TFPI2: variants seen among roughly 807,000 people sequenced by gnomAD.
The protein encoded by TFPI2 is tissue factor pathway inhibitor 2, also known as placental protein 5.
Under a neutral mutation model 23.1 loss-of-function variants are expected in TFPI2, and 23 were observed. That is an observed-to-expected ratio of 1.00 (90% CI 0.72 to 1.41). The LOEUF (loss-of-function observed/expected upper bound fraction) is 1.41. Ranked by LOEUF, TFPI2 falls within the 40% of genes most tolerant of loss-of-function variation. The pLI is 0.00. For missense variants in TFPI2, 291 were observed against 299.6 expected (o/e 0.97, Z 0.21); for synonymous variants, 119 against 111.7 (o/e 1.07, Z -0.41).
chr7:93,890,739 G>C lies in TFPI2; in HGVS notation c.-61C>G. The stretch of plus-strand genomic sequence containing the variant: ...TCCGAGAAAGCGCCTGGCGGGAGGA[G>C]GTGCGCGGCTTTCTGCTCCAGGCGG... On this transcript the variant is annotated 5_prime_UTR_variant, in exon 1 of 5. Coordinates refer to ENST00000222543, the MANE Select transcript of TFPI2 (RefSeq NM_006528.4). 6.6e-7 allele frequency: 1 copy of C among 1,505,872 alleles called. No individual in the cohort carries two copies. The allele number at this position is 1,505,872 out of a possible 1,614,324, so 93.3% of individuals were successfully genotyped here.
Position 93,886,137 on chromosome 7 carries a change from G to T in TFPI2, c.*683C>A, listed in dbSNP as rs1218581447. The T allele has an allele frequency of 6.6e-6, 1 of 151,928 alleles. No homozygotes were observed. The highest frequency in any genetic ancestry group is 1.5e-5 in the Non-Finnish European group (1 of 67,882). 9.4% of individuals were successfully genotyped at this position (151,928 alleles called of 1,614,324 possible). ...GTCTTAGGAAATAATTTAACAATAG[G>T]AAAACCCTTAAAACCATCTATCTCT... On this transcript the variant is annotated 3_prime_UTR_variant, in exon 5 of 5. Transcript: ENST00000222543.
At position 93,885,912 on chromosome 7, in the gene TFPI2, T is replaced by C. The variant is rs1054332073; in HGVS notation, c.*908A>G. 1 of 152,054 alleles carries C rather than the reference T, an allele frequency of 6.6e-6. No homozygotes were observed. Among genetic ancestry groups the C allele is most frequent in the Non-Finnish European group, 1.5e-5 (1 of 67,908 alleles). The allele number at this position is 152,054 out of a possible 1,614,324, so 9.4% of individuals were successfully genotyped here. ...ATAAGAATTTAGAAAAATTGTTTTATTACAGAGAAAGAAAAAACCTATTTC... is the reference window on the plus strand; with the variant it reads ...ATAAGAATTTAGAAAAATTGTTTTACTACAGAGAAAGAAAAAACCTATTTC... On this transcript the variant is annotated 3_prime_UTR_variant, in exon 5 of 5. Transcript: ENST00000222543.
rs952054370 is a variant in TFPI2, at chr7:93,890,123, C to T, written c.271+14G>A. ...AAGGAGCGCGAGAGTCCTGGGTGCG[C>T]GCAGGGCACTTACTTTCTATCCTCC... On this transcript the variant is annotated intron_variant, in intron 2 of 4. Coordinates refer to ENST00000222543, the MANE Select transcript of TFPI2 (RefSeq NM_006528.4). 2 of 1,579,258 alleles carry T rather than the reference C, an allele frequency of 1.3e-6. No individual in the cohort carries two copies. The highest frequency in any genetic ancestry group is 2.3e-5 in the East Asian group (1 of 43,732).
chr7:93,888,589 G>GGAAGGAAAGAGAAAGAAAGAAAGAA (rs138314368), intron 3 of TFPI2, among the ~76,000 whole-genome samples: 39 of 103,284 alleles, frequency 3.8e-4, no homozygotes, highest in Admixed American at 2.7e-3. Flanking sequence ...AGGAAGGAAA[G>GGAAGGAAAGAGAAAGAAAGAAAGAA]AGAAAGAAAG....
chr7:93,889,327 T>G (rs1794079675), intron 2 of TFPI2, 104 bp from the exon 3 acceptor site: 3 of 1,092,906 alleles, frequency 2.7e-6, no homozygotes, highest in Non-Finnish European at 3.9e-6. Context: ...GAAGTTGTAT[T>G]AGTGTTGGGA....
Position 93,885,957 on chromosome 7 carries a change from A to G in TFPI2, c.*863T>C, listed in dbSNP as rs1202892596. The G allele has an allele frequency of 6.6e-6, 1 of 152,064 alleles. No homozygotes were observed. The highest frequency in any genetic ancestry group is 1.9e-4 in the East Asian group (1 of 5,204). The allele number at this position is 152,064 out of a possible 1,614,324, so 9.4% of individuals were successfully genotyped here. The stretch of plus-strand genomic sequence containing the variant: ...TATTTCATTGGTATGACCATATTTA[A>G]TCAATGATAATTTACTGGTGAAATT... On this transcript the variant is annotated 3_prime_UTR_variant, in exon 5 of 5. Coordinates refer to ENST00000222543, the MANE Select transcript of TFPI2 (RefSeq NM_006528.4).
Position 93,889,108 on chromosome 7 carries a change from C to A in TFPI2, c.387G>T (p.Gly129=). The part of the protein sequence containing the change: ...SMTCEKFFSG[G]CHRNRIENRF... Reference sequence around the variant, plus strand: ...TGTTCTCAATCCGGTTCCGGTGACACCCACCGGAAAAGAATTTTTCACATG... The same window carrying A: ...TGTTCTCAATCCGGTTCCGGTGACAACCACCGGAAAAGAATTTTTCACATG... Residue 129 remains glycine (G), a synonymous_variant, in exon 3 of 5, where the codon GGG becomes GGT. Transcript: ENST00000222543. 6.2e-7 allele frequency: 1 copy of A among 1,613,128 alleles called. No individual in the cohort carries two copies. The highest frequency in any genetic ancestry group is 8.5e-7 in the Non-Finnish European group (1 of 1,179,626).
intron 3 of TFPI2, among the ~76,000 whole-genome samples, chr7:93,887,710 T>C (rs563966031): frequency 1.3e-5 from 2 of 152,306 alleles, no homozygotes; most frequent in East Asian, 3.9e-4. Flanking sequence ...AAATACCAGA[T>C]ATGGTTAGGT....
rs781586567 is a variant in TFPI2, at chr7:93,890,291, G to C, written c.117C>G (p.Pro39=). 1.9e-6 allele frequency: 3 copies of C among 1,612,078 alleles called. No individual in the cohort carries two copies. In the South Asian group the frequency reaches 3.3e-5, roughly 18 times the overall value. Residue 39 remains proline (P), a synonymous_variant, in exon 2 of 5, where the codon CCC becomes CCG. Coordinates refer to ENST00000222543, the MANE Select transcript of TFPI2 (RefSeq NM_006528.4). ...GGGCCCGGCAGGGTCCGTAGTCTAG[G>C]GGCAGGAGACAGATCTCCGCGTTAT... ...TGNNAEICLL[P]LDYGPCRALL...
chr7:93,888,917 T>C, intron 3 of TFPI2, 118 bp downstream of exon 3: 1 of 955,384 alleles, frequency 1.0e-6, no homozygotes, highest in South Asian at 1.7e-5. Context: ...GTCACTAACT[T>C]GTCAAGTAAT....
chr7:93,889,157 T>A lies in TFPI2; in HGVS notation c.338A>T (p.Tyr113Phe), dbSNP rs1794075207. ...TGTCATGGAACTTAGATTAAAGAAA[T>A]ACTTTTCTGTGGACCCCTCACACTG... Reference protein sequence around the residue: ...DDQCEGSTEKYFFNLSSMTCE... With the variant: ...DDQCEGSTEKFFFNLSSMTCE... Residue 113 changes from tyrosine (Y) to phenylalanine (F), a missense_variant, in exon 3 of 5, where the codon TAT (tyrosine) becomes TTT (phenylalanine). By Grantham distance (22) the Tyr-to-Phe change is conservative. Coordinates refer to ENST00000222543, the MANE Select transcript of TFPI2 (RefSeq NM_006528.4). 25 of 1,613,146 alleles carry A rather than the reference T, an allele frequency of 1.5e-5. No homozygotes were observed. The highest frequency in any genetic ancestry group is 2.1e-5 in the Non-Finnish European group (25 of 1,179,740).
In TFPI2 at chr7:93,890,249, G is replaced by A; in HGVS notation, c.159C>T (p.Tyr53=). The A allele has an allele frequency of 6.2e-7, 1 of 1,614,008 alleles. No homozygotes were observed. Among genetic ancestry groups the A allele is most frequent in the Non-Finnish European group, 8.5e-7 (1 of 1,179,852 alleles). Residue 53 remains tyrosine (Y), a synonymous_variant, in exon 2 of 5, where the codon TAC becomes TAT. Transcript: ENST00000222543. ...GPCRALLLRY[Y]YDRYTQSCRQ... ...GGCAGCTCTGCGTGTACCTGTCGTA[G>A]TAGTAACGGAGAAGTAGGGCCCGGC...
In TFPI2 at chr7:93,889,142, C is replaced by T. The variant is rs573434214; in HGVS notation, c.353G>A (p.Ser118Asn). ...GSTEKYFFNL[S>N]SMTCEKFFSG... is the part of the protein sequence containing the mutation. ...AAAGAATTTTTCACATGTCATGGAA[C>T]TTAGATTAAAGAAATACTTTTCTGT... The change falls in exon 3 of 5, where the codon AGT (serine) becomes AAT (asparagine). Residue 118 changes from serine to asparagine, a missense_variant. Ser to Asn is a conservative substitution (Grantham distance 46). Coordinates refer to ENST00000222543, the MANE Select transcript of TFPI2 (RefSeq NM_006528.4). The T allele has an allele frequency of 3.1e-6, 5 of 1,613,510 alleles. No individual in the cohort carries two copies. Among genetic ancestry groups the T allele is most frequent in the African/African-American group, 2.7e-5 (2 of 75,000 alleles).
chr7:93,890,394 C>G (rs1488176500), intron 1 of TFPI2, 75 bp from the exon 2 acceptor site: 5 of 1,520,412 alleles, frequency 3.3e-6, no homozygotes. Context: ...AAGAACATCC[C>G]GGGGAGTTCT....
At chr7:93,888,676 A>T (rs1224832805) in intron 3 of TFPI2, among the ~76,000 whole-genome samples, 1 of 151,574 alleles carries the variant, frequency 6.6e-6, no homozygotes, top group Non-Finnish European at 1.5e-5. Flanking sequence ...AAAAAAAAAA[A>T]ATTAGCTGGG....
At chr7:93,888,887 C>T in intron 3 of TFPI2, 148 bp downstream of exon 3, 1 of 730,426 alleles carries the variant, frequency 1.4e-6, no homozygotes, top group Non-Finnish European at 2.1e-6. Flanking sequence ...TGTCACTTTC[C>T]AGTCCTAAGA....
rs777294924 is a variant in TFPI2, at chr7:93,890,311, C to G, written c.97G>C (p.Ala33Pro). 7 of 1,604,270 alleles carry G rather than the reference C, an allele frequency of 4.4e-6. No homozygotes were observed. The highest frequency in any genetic ancestry group is 6.0e-6 in the Non-Finnish European group (7 of 1,172,994). Residue 33 changes from alanine (A) to proline (P), a missense_variant, in exon 2 of 5, where the codon GCG becomes CCG. By Grantham distance (27) the Ala-to-Pro change is conservative. Coordinates refer to ENST00000222543, the MANE Select transcript of TFPI2 (RefSeq NM_006528.4). ...TCTAGGGGCAGGAGACAGATCTCCG[C>G]GTTATTTCCTGAAGAAGGGGCAGAA... is the stretch of plus-strand genomic sequence containing the variant. Reference protein sequence around the residue: ...DAAQEPTGNNAEICLLPLDYG... With the variant: ...DAAQEPTGNNPEICLLPLDYG...
In TFPI2 at chr7:93,890,713, G is replaced by C; in HGVS notation, c.-35C>G. The C allele has an allele frequency of 6.3e-7, 1 of 1,582,070 alleles. No individual in the cohort carries two copies. ...GGTCGGGCGGCCCGCTGGGCAAGGCGTCCGAGAAAGCGCCTGGCGGGAGGA... is the reference window on the plus strand; with the variant it reads ...GGTCGGGCGGCCCGCTGGGCAAGGCCTCCGAGAAAGCGCCTGGCGGGAGGA... On this transcript the variant is annotated 5_prime_UTR_variant, in exon 1 of 5. Coordinates refer to ENST00000222543, the MANE Select transcript of TFPI2 (RefSeq NM_006528.4).
chr7:93,888,503 A>T lies in TFPI2; in HGVS notation c.460+532T>A, dbSNP rs559865276. Among the ~76,000 whole-genome samples, 3 of 149,500 alleles carry T rather than the reference A, an allele frequency of 2.0e-5. No individual in the cohort carries two copies. The East Asian group carries it at 5.9e-4, about 30-fold the overall frequency. On this transcript the variant is annotated intron_variant, in intron 3 of 4. Transcript: ENST00000222543. ...GACACCCCGTCGAAAGAAAAAAGAA[A>T]GAAAGAAAGAAAAGAAAGAAAGAAG...
Sources: gnomAD v4.1 joint callset for allele counts (sites outside exome capture counted in the v4.1 genomes callset) on GRCh38, gnomAD v4.1.1 for gene constraint, MANE v1.5 for transcripts, NCBI Gene and HGNC (gene_info 2026-07-23, HGNC 2026-07-21) for gene names.